The following ARL10 variants were observed in gnomAD, a reference collection of about 807,000 sequenced individuals.
ARL10 encodes the protein ADP-ribosylation factor-like protein 10.
In ARL10, 23 loss-of-function variants were observed where a neutral mutation model predicts 26.1. The observed-to-expected ratio is 0.88, with a 90% CI of 0.63 to 1.25. The LOEUF (loss-of-function observed/expected upper bound fraction) is 1.25, where lower values mean the gene tolerates loss of function less well. Ranked by LOEUF, ARL10 falls within the 50% of genes most tolerant of loss-of-function variation. The pLI is 0.00. For synonymous variants in ARL10, 138 were observed against 149.1 expected, an observed-to-expected ratio of 0.93 and a Z score of 0.54; for missense variants, 300 against 323.6, an observed-to-expected ratio of 0.93 and a Z score of 0.56.
At chr5:176,365,886 C>A in intron 1 of ARL10, 140 bp downstream of exon 1, 2 of 955,012 alleles carry the variant, frequency 2.1e-6, no homozygotes, top group Non-Finnish European at 2.7e-6. Flanking sequence ...CCGCAGCGCA[C>A]AGGCCCCGCG....
intron 1 of ARL10, among the ~76,000 whole-genome samples, chr5:176,398,576 G>A (rs574102733): frequency 9.9e-5 from 15 of 152,018 alleles, no homozygotes; most frequent in African/African-American, 3.4e-4. Flanking sequence ...GCCAGGCGTG[G>A]TGGTGCATGC....
chr5:176,400,335 T>C (rs556997104), intron 1 of ARL10, among the ~76,000 whole-genome samples: 1 of 152,216 alleles, frequency 6.6e-6, no homozygotes, highest in South Asian at 2.1e-4. Context: ...GCTCAGTGAA[T>C]AGTAGCTAGA....
At chr5:176,406,702 G>A, downstream of ARL10, 1 of 1,286,504 alleles carries the variant, frequency 7.8e-7, no homozygotes, top group Non-Finnish European at 1.0e-6. Context: ...CGCTGGTGGT[G>A]CACGGGCTGC....
At chr5:176,371,694 T>C in intron 3 of ARL10, 28 bp from the exon 4 acceptor site, 2 of 1,604,044 alleles carry the variant, frequency 1.2e-6, no homozygotes, top group Non-Finnish European at 8.5e-7. Flanking sequence ...TGCTGCCAGC[T>C]GTGTTCGGAC....
chr5:176,392,992 C>T (rs180999566), downstream of ARL10: 2 of 1,609,018 alleles, frequency 1.2e-6, no homozygotes, highest in Middle Eastern at 1.7e-4. The surrounding 1 kb of genome is among the most constrained non-coding windows in gnomAD (Gnocchi z 5.2). Flanking sequence ...TGCTTTCCCC[C>T]AGCCTTGCCC....
At chr5:176,415,058 G>A in the ARL10 span, among the ~76,000 whole-genome samples, 5 of 152,136 alleles carry the variant, frequency 3.3e-5, no homozygotes, top group African/African-American at 1.2e-4. Context: ...ACCTGTTTTG[G>A]ATGTACCCAT....
intron 1 of ARL10, chr5:176,397,941 AGCCGTTT>A: frequency 6.2e-7 from 1 of 1,613,774 alleles, no homozygotes; most frequent in Non-Finnish European, 8.5e-7. Flanking sequence ...CAGCTCTTGC[AGCCGTTT>A]CCTCTGCTCC....
At chr5:176,402,696 T>C (rs1355577213), downstream of ARL10, among the ~76,000 whole-genome samples, 1 of 152,202 alleles carries the variant, frequency 6.6e-6, no homozygotes, top group Non-Finnish European at 1.5e-5. Flanking sequence ...ATGTTCAGGC[T>C]TGGGGACAGG....
At chr5:176,399,843 A>G (rs2113643046) in intron 1 of ARL10, among the ~76,000 whole-genome samples, 1 of 150,512 alleles carries the variant, frequency 6.6e-6, no homozygotes, top group East Asian at 2.0e-4. Context: ...GTGCCACTGC[A>G]CTCCAGCCTG....
rs1480781069 is a variant in ARL10 at position 176,378,186 on chromosome 5, C to T, written c.*6291C>T. On this transcript the variant is annotated 3_prime_UTR_variant, in exon 4 of 4. Coordinates refer to ENST00000310389, the MANE Select transcript of ARL10 (RefSeq NM_173664.6). ...CTGTCAGATAACAATTTTGGTTTTC[C>T]ACATCAGGTGCATTGCACTGTTAGA... is the stretch of plus-strand genomic sequence containing the variant. 1 of 152,244 alleles carries T rather than the reference C, an allele frequency of 6.6e-6. No individual in the cohort carries two copies. Among genetic ancestry groups the T allele is most frequent in the African/African-American group, 2.4e-5 (1 of 41,456 alleles). 9.4% of individuals were successfully genotyped at this position (152,244 alleles called of 1,614,324 possible).
chr5:176,398,777 C>T (rs1302946853), intron 1 of ARL10, among the ~76,000 whole-genome samples: 2 of 152,038 alleles, frequency 1.3e-5, no homozygotes, highest in Non-Finnish European at 2.9e-5. Context: ...CCTTGTGTTA[C>T]CGTCATTAAA....
At chr5:176,398,865 T>G (rs1210382960) in intron 1 of ARL10, among the ~76,000 whole-genome samples, 1 of 151,960 alleles carries the variant, frequency 6.6e-6, no homozygotes. Flanking sequence ...TTTTTTGAGA[T>G]GGAGTGTCCC....
At position 176,388,303 on chromosome 5, in the gene ARL10, G is replaced by T. The variant is rs1756056570; in HGVS notation, c.45G>T (p.Pro15=). The change falls in exon 2 of 2, where the codon CCG becomes CCT. Residue 15 remains proline, a synonymous_variant. Transcript: ENST00000503175. Reference sequence around the variant, plus strand: ...AACCCCATCTCGGCCAGGTTCTGCCGTACCGATTTAGCGTGGTCCCAGGCA... The same window carrying T: ...AACCCCATCTCGGCCAGGTTCTGCCTTACCGATTTAGCGTGGTCCCAGGCA... 3 of 1,614,066 alleles carry T rather than the reference G, an allele frequency of 1.9e-6. No homozygotes were observed. In the African/African-American group the frequency reaches 4.0e-5, roughly 22 times the overall value.
chr5:176,404,769 G>A (rs576678343), downstream of ARL10, among the ~76,000 whole-genome samples: 296 of 152,250 alleles, frequency 1.9e-3, 1 homozygote, highest in African/African-American at 6.7e-3. Flanking sequence ...AGCAGGTCCC[G>A]GGCTCCGGTG....
downstream of ARL10, among the ~76,000 whole-genome samples, chr5:176,403,222 T>C (rs149129610): frequency 0.011 from 1,693 of 151,970 alleles, 43 homozygotes; most frequent in African/African-American, 0.038. Context: ...GCTACTTTTT[T>C]TATTTTTAGT....
intron 1 of ARL10, among the ~76,000 whole-genome samples, chr5:176,398,610 G>A (rs1756666624): frequency 6.6e-6 from 1 of 152,028 alleles, no homozygotes; most frequent in Non-Finnish European, 1.5e-5. Context: ...TACTCCGGAG[G>A]CTGAGGCAGG....
chr5:176,369,054 G>T, intron 3 of ARL10, 72 bp downstream of exon 3: 1 of 1,575,398 alleles, frequency 6.3e-7, no homozygotes, highest in South Asian at 1.1e-5. Flanking sequence ...GGCAAGGAGC[G>T]CTGCCTGGGC....
downstream of ARL10, among the ~76,000 whole-genome samples, chr5:176,390,735 C>A (rs759812708): frequency 2.1e-4 from 32 of 152,150 alleles, no homozygotes; most frequent in Non-Finnish European, 4.6e-4. Flanking sequence ...ACGTGAGCCA[C>A]CACGCCCAGC....
chr5:176,370,791 C>CG (rs1165078671), intron 3 of ARL10, among the ~76,000 whole-genome samples: 1 of 152,200 alleles, frequency 6.6e-6, no homozygotes, highest in Non-Finnish European at 1.5e-5. Flanking sequence ...GAAATTACAA[C>CG]ATACCATCAC....
Sources: allele counts gnomAD v4.1 joint callset (sites outside exome capture counted in the v4.1 genomes callset), GRCh38; gene constraint gnomAD v4.1.1; non-coding constraint Gnocchi (gnomAD v3.1); transcripts MANE v1.5; gene names NCBI Gene and HGNC (gene_info 2026-07-23, HGNC 2026-07-21).